CPT1A: variants seen among roughly 807,000 people sequenced by gnomAD.
CPT1A encodes the protein carnitine palmitoyltransferase 1A.
In CPT1A, 64 loss-of-function variants were observed where a neutral mutation model predicts 100.8. That is an observed-to-expected ratio of 0.63 (90% CI 0.52 to 0.78). The LOEUF is 0.78. Among genes scored for constraint, CPT1A ranks in the 30% least tolerant of loss-of-function variants. The probability of loss-of-function intolerance (pLI) is 0.00; values close to 1 mark genes in which losing one functional copy is unlikely to be tolerated. For synonymous variants in CPT1A, 363 were observed against 396.0 expected (o/e 0.92, Z 0.99); for missense variants, 802 against 1,034.1 (o/e 0.78, Z 3.08).
intron 10 of CPT1A, among the ~76,000 whole-genome samples, chr11:68,784,155 G>A (rs531373670): frequency 5.9e-5 from 9 of 152,318 alleles, no homozygotes; most frequent in African/African-American, 2.2e-4. Flanking sequence ...GAGCCACTGC[G>A]CCCGGCCTGA....
chr11:68,836,731 C>T (rs980311224), intron 1 of CPT1A, among the ~76,000 whole-genome samples: 7 of 149,940 alleles, frequency 4.7e-5, no homozygotes, highest in South Asian at 4.3e-4. Flanking sequence ...GAGATCATAC[C>T]GCTACACTCC....
intron 1 of CPT1A, among the ~76,000 whole-genome samples, chr11:68,825,988 G>C (rs1369894860): frequency 6.6e-6 from 1 of 152,176 alleles, no homozygotes; most frequent in Non-Finnish European, 1.5e-5. Flanking sequence ...CAGGGCAGAG[G>C]GTTCCTAATG....
rs772640633 is a variant in CPT1A at position 68,799,314 on chromosome 11, G to C, written c.597C>G (p.Phe199Leu). Reference sequence around the variant, plus strand: ...CTTGAGCAAGTGCTGTCATCCGTTTGAAGTCTTCTTCCTTCATAAGAGGCC... The same window carrying C: ...CTTGAGCAAGTGCTGTCATCCGTTTCAAGTCTTCTTCCTTCATAAGAGGCC... ...SVRPLMKEED[F>L]KRMTALAQDF... Residue 199 changes from phenylalanine to leucine, a missense_variant, in exon 6 of 19, where the codon TTC becomes TTG. This residue lies in a region of CPT1A where 627 missense variants were observed against 799.3 expected (regional missense o/e 0.78). Transcript: ENST00000265641. 5 of 1,613,954 alleles carry C rather than the reference G, an allele frequency of 3.1e-6. No homozygotes were observed. Among genetic ancestry groups the C allele is most frequent in the Non-Finnish European group, 3.4e-6 (4 of 1,179,920 alleles).
At chr11:68,801,629 G>GAAA (rs746559700) in intron 5 of CPT1A, among the ~76,000 whole-genome samples, 2 of 125,792 alleles carry the variant, frequency 1.6e-5, no homozygotes, top group South Asian at 2.5e-4. Flanking sequence ...GACTCTGTCT[G>GAAA]AAAAAAAAAA....
At chr11:68,777,339 A>G (rs1274262169) in intron 12 of CPT1A, among the ~76,000 whole-genome samples, 3 of 152,210 alleles carry the variant, frequency 2.0e-5, no homozygotes, top group African/African-American at 7.2e-5. Context: ...CTGAGGTGGG[A>G]AAATTACTTG....
At chr11:68,797,947 C>T (rs762157885) in intron 6 of CPT1A, among the ~76,000 whole-genome samples, 2 of 152,340 alleles carry the variant, frequency 1.3e-5, no homozygotes, top group Admixed American at 6.5e-5. Context: ...CACTGCACTC[C>T]AGCCTGGGTG....
At chr11:68,770,218 C>T (rs373822257) in intron 14 of CPT1A, among the ~76,000 whole-genome samples, 5 of 152,112 alleles carry the variant, frequency 3.3e-5, no homozygotes, top group African/African-American at 4.8e-5. Context: ...GCTTTATACA[C>T]GTATGCCTGG....
At chr11:68,809,653 CAG>C (rs1049532608) in intron 3 of CPT1A, among the ~76,000 whole-genome samples, 58 of 152,252 alleles carry the variant, frequency 3.8e-4, no homozygotes, top group African/African-American at 1.3e-3. Flanking sequence ...GGCAGCAGCC[CAG>C]AGATACTGCA....
chr11:68,769,442 A>G (rs1358300658), intron 14 of CPT1A, among the ~76,000 whole-genome samples: 1 of 145,192 alleles, frequency 6.9e-6, no homozygotes, highest in Non-Finnish European at 1.5e-5. Flanking sequence ...GTACAGATAG[A>G]GTCTCCCCAT....
chr11:68,818,907 C>T (rs909009637), intron 1 of CPT1A, among the ~76,000 whole-genome samples: 9 of 152,032 alleles, frequency 5.9e-5, no homozygotes, highest in African/African-American at 1.7e-4. Context: ...TTAGTAGGCA[C>T]GCAGCCAACT....
At chr11:68,801,226 G>T (rs999503924) in intron 5 of CPT1A, among the ~76,000 whole-genome samples, 4 of 152,166 alleles carry the variant, frequency 2.6e-5, no homozygotes, top group Non-Finnish European at 4.4e-5. Context: ...CCCGAGCTAC[G>T]CAACACAGAC....
chr11:68,785,125 C>T lies in CPT1A; in HGVS notation c.968-115G>A, dbSNP rs1855423342. The T allele has an allele frequency of 2.6e-5, 21 of 820,060 alleles. No homozygotes were observed. The South Asian group carries it at 3.0e-4, about 12-fold the overall frequency. The allele number at this position is 820,060 out of a possible 1,614,324, so 50.8% of individuals were successfully genotyped here. A position where few individuals can be genotyped will look rare whatever the true frequency, so the allele number is the denominator to read the frequency against. ...TGGGAGTCCCTGCTCTGCGTCTCTC[C>T]AGGCAGCCTCAGGAACCTATTCCTC... On this transcript the variant is annotated intron_variant, in intron 9 of 18. Transcript: ENST00000265641.
At chr11:68,792,490 ACCTGGGGAAATGGAGG>A (rs887379663) in intron 9 of CPT1A, among the ~76,000 whole-genome samples, 6 of 152,310 alleles carry the variant, frequency 3.9e-5, no homozygotes, top group African/African-American at 1.4e-4. Flanking sequence ...ATCCACAGGC[ACCTGGGGAAATGGAGG>A]CCATGGACAG....
intron 14 of CPT1A, among the ~76,000 whole-genome samples, chr11:68,771,115 A>C (rs1854976402): frequency 6.6e-6 from 1 of 152,154 alleles, no homozygotes; most frequent in Non-Finnish European, 1.5e-5. Context: ...TCCTTTGTGG[A>C]GTCTCTGAGC....
Position 68,757,697 on chromosome 11 carries a change from C to T in CPT1A, c.2269G>A (p.Ala757Thr). The T allele has an allele frequency of 6.2e-7, 1 of 1,614,146 alleles. No individual in the cohort carries two copies. ...SHRFGRHLKEAMTDIITLFGL... is the reference protein window; with the variant it reads ...SHRFGRHLKETMTDIITLFGL... ...AACAAAGTGATGATGTCAGTCATTG[C>T]TTCTTTCAGGTGCCTTCCAAAGCGA... Residue 757 changes from alanine (A) to threonine (T), a missense_variant, in exon 19 of 19, where the codon GCA becomes ACA. Around this residue, in one of 4 missense-constraint regions of CPT1A, gnomAD observed 627 missense variants for 799.3 expected, o/e 0.78. Coordinates refer to ENST00000265641, the MANE Select transcript of CPT1A (RefSeq NM_001876.4).
chr11:68,795,923 A>G (rs546071558), intron 7 of CPT1A, among the ~76,000 whole-genome samples: 33 of 152,186 alleles, frequency 2.2e-4, no homozygotes, highest in African/African-American at 7.9e-4. Context: ...AAAAAAAGAA[A>G]AGAAAAAGTA....
chr11:68,805,692 G>A (rs370963653), intron 4 of CPT1A, among the ~76,000 whole-genome samples: 252 of 152,330 alleles, frequency 1.7e-3, no homozygotes, highest in Middle Eastern at 6.8e-3. Flanking sequence ...GCAGACCCAC[G>A]GATCAGCCCC....
chr11:68,761,775 A>G (rs964439941), intron 15 of CPT1A, 88 bp from the exon 16 acceptor site: 2 of 1,475,050 alleles, frequency 1.4e-6, no homozygotes, highest in Non-Finnish European at 1.9e-6. Flanking sequence ...CCCGGCTAAT[A>G]TTTTTTGTTA....
chr11:68,836,689 T>A (rs1280996797), intron 1 of CPT1A, among the ~76,000 whole-genome samples: 1 of 151,182 alleles, frequency 6.6e-6, no homozygotes, highest in Non-Finnish European at 1.5e-5. Context: ...GGAGAATCAC[T>A]TGAACCCAGA....
Sources: allele counts gnomAD v4.1 joint callset (sites outside exome capture counted in the v4.1 genomes callset), GRCh38; gene constraint gnomAD v4.1.1; regional missense constraint gnomAD v4.1.1; transcripts MANE v1.5; gene names NCBI Gene and HGNC (gene_info 2026-07-23, HGNC 2026-07-21).